NOS2: variants seen among roughly 807,000 people sequenced by gnomAD.
NOS2 encodes nitric oxide synthase 2.
In NOS2, 96 loss-of-function variants were observed where a neutral mutation model predicts 136.0. The observed-to-expected ratio is 0.71, with a 90% CI of 0.60 to 0.84. The LOEUF is 0.84. NOS2 is among the 40% of genes least tolerant of loss of function. The pLI is 0.00. For synonymous variants in NOS2, 539 were observed against 587.5 expected (o/e 0.92, Z 1.20); for missense variants, 1,237 against 1,496.9 (o/e 0.83, Z 2.87).
At chr17:27,769,907 G>A (rs572555629) in intron 15 of NOS2, among the ~76,000 whole-genome samples, 93 of 152,302 alleles carry the variant, frequency 6.1e-4, no homozygotes, top group Middle Eastern at 3.4e-3. Flanking sequence ...CTCCGAATGC[G>A]CCGTGATTCT....
At chr17:27,775,002 G>A (rs1908616806) in intron 11 of NOS2, among the ~76,000 whole-genome samples, 1 of 152,230 alleles carries the variant, frequency 6.6e-6, no homozygotes, top group African/African-American at 2.4e-5. Flanking sequence ...TGACCCCATG[G>A]AATGGTCCAG....
At position 27,759,072 on chromosome 17, in the gene NOS2, A is replaced by C. The variant is rs1296865891; in HGVS notation, c.3163T>G (p.Tyr1055Asp). 3 of 1,590,542 alleles carry C rather than the reference A, an allele frequency of 1.9e-6. No individual in the cohort carries two copies. Among genetic ancestry groups the C allele is most frequent in the Non-Finnish European group, 2.6e-6 (3 of 1,169,204 alleles). The change falls in exon 26 of 27, where the codon TAT becomes GAT. Residue 1055 changes from tyrosine (Y) to aspartate (D), a missense_variant. Physicochemically the swap from Tyr to Asp is radical, Grantham distance 160. Around this residue, in one of 3 missense-constraint regions of NOS2, gnomAD observed 782 missense variants for 909.9 expected, o/e 0.86. Transcript: ENST00000313735. ...TGCTGCCGCAGGATGTCCTGAACAT[A>C]GACCTGAAACCAGAGGAAACAGTGG... ...YSRLPGKPKV[Y>D]VQDILRQQLA...
At chr17:27,787,273 G>T (rs1371195165) in intron 5 of NOS2, among the ~76,000 whole-genome samples, 1 of 152,120 alleles carries the variant, frequency 6.6e-6, no homozygotes, top group Non-Finnish European at 1.5e-5. Context: ...CACAATCAAG[G>T]TCTCTGGATG....
intron 2 of NOS2, chr17:27,793,661 C>A (rs962193388): frequency 5.0e-6 from 2 of 396,670 alleles, no homozygotes; most frequent in Non-Finnish European, 8.9e-6. Context: ...CGGGGCCCGG[C>A]GGCCTCGCAC....
At position 27,765,620 on chromosome 17, in the gene NOS2, C is replaced by T. The variant is rs1908274923; in HGVS notation, c.2343G>A (p.Pro781=). The T allele has an allele frequency of 1.2e-5, 19 of 1,613,092 alleles. No individual in the cohort carries two copies. Among genetic ancestry groups the T allele is most frequent in the East Asian group, 2.2e-5 (1 of 44,886 alleles). ...GCTCCAGGATACCTTGGACCAGGGC[C>T]GGCTGGTTGCCTGGGCAAACCCCAA... The part of the protein sequence containing the change: ...EHLGVCPGNQ[P]ALVQGILERV... The change falls in exon 20 of 27, where the codon CCG becomes CCA. Residue 781 remains proline (P), a synonymous_variant. Transcript: ENST00000313735.
At chr17:27,784,288 GC>G (rs781719031) in intron 5 of NOS2, among the ~76,000 whole-genome samples, 13 of 152,140 alleles carry the variant, frequency 8.5e-5, no homozygotes, top group African/African-American at 3.1e-4. Context: ...GAACAAAATG[GC>G]CTTTCTGTGG....
chr17:27,772,501 CAGA>C (rs1908529099), intron 13 of NOS2, 49 bp from the exon 14 acceptor site: 1 of 1,604,654 alleles, frequency 6.2e-7, no homozygotes, highest in Non-Finnish European at 8.5e-7. Flanking sequence ...GTCAGCCTTC[CAGA>C]AGAAAATGGG....
chr17:27,759,781 C>A (rs1597542087), intron 25 of NOS2, among the ~76,000 whole-genome samples: 1 of 152,176 alleles, frequency 6.6e-6, no homozygotes, highest in Non-Finnish European at 1.5e-5. Context: ...TGCTGGGGAC[C>A]TTCAGCAGGC....
chr17:27,758,734 C>T, intron 26 of NOS2, 147 bp downstream of exon 26: 1 of 557,182 alleles, frequency 1.8e-6, no homozygotes, highest in Non-Finnish European at 3.0e-6. Context: ...GCCCACCCAG[C>T]TCAGATCTCA....
At chr17:27,765,498 G>A in intron 20 of NOS2, 37 bp downstream of exon 20, 1 of 1,541,568 alleles carries the variant, frequency 6.5e-7, no homozygotes, top group South Asian at 1.3e-5. Flanking sequence ...CGGCCAGAGG[G>A]TGCCAGGCAG....
At chr17:27,794,816 A>T (rs1909304142) in intron 2 of NOS2, among the ~76,000 whole-genome samples, 1 of 152,236 alleles carries the variant, frequency 6.6e-6, no homozygotes, top group East Asian at 1.9e-4. Flanking sequence ...TCTTGGTTTC[A>T]TGACACCTGA....
chr17:27,757,800 C>T (rs1907975691), intron 26 of NOS2, among the ~76,000 whole-genome samples: 1 of 152,244 alleles, frequency 6.6e-6, no homozygotes, highest in Non-Finnish European at 1.5e-5. Context: ...TTGATGCCAA[C>T]TGTCTACCGA....
rs139005303 is a variant in NOS2, at chr17:27,759,037, G to A, written c.3198C>T (p.Ser1066=). Residue 1066 remains serine, a synonymous_variant, in exon 26 of 27, where the codon AGC becomes AGT. Transcript: ENST00000313735. The stretch of plus-strand genomic sequence containing the variant: ...CCTTGTGGAGCACACGGAGCACCTC[G>A]CTGGCCAGCTGCTGCCGCAGGATGT... The part of the protein sequence containing the change: ...VQDILRQQLA[S]EVLRVLHKEP... 35 of 1,607,076 alleles carry A rather than the reference G, an allele frequency of 2.2e-5. No homozygotes were observed. The highest frequency in any genetic ancestry group is 4.0e-5 in the African/African-American group (3 of 74,614).
intron 19 of NOS2, 102 bp downstream of exon 19, chr17:27,766,408 T>C: frequency 1.9e-6 from 2 of 1,072,550 alleles, no homozygotes; most frequent in South Asian, 1.3e-5. Flanking sequence ...TGCCAGCATA[T>C]GCTCTTCTCC....
intron 7 of NOS2, 89 bp downstream of exon 7, chr17:27,781,926 T>C: frequency 9.2e-7 from 1 of 1,088,686 alleles, no homozygotes; most frequent in Non-Finnish European, 1.4e-6. Context: ...GAGCTGGAGA[T>C]GCCTCCCCTA....
rs1240413552 is a variant in NOS2, at chr17:27,773,166, CAA to C, written c.1552_1553del (p.Leu518GlyfsTer56). 2 of 1,613,728 alleles carry C rather than the reference CAA, an allele frequency of 1.2e-6. No individual in the cohort carries two copies. The highest frequency in any genetic ancestry group is 1.7e-6 in the Non-Finnish European group (2 of 1,179,616). ...CCACTGCCACTGCCACTCACTTGAC[CAA>C]GACTTTCAATGGAATCTCTCTTCTC... ...PKRREIPLKV[L>X]VKAVLFACML... On this transcript the variant is annotated frameshift_variant, in exon 13 of 27. Coordinates refer to ENST00000313735, the MANE Select transcript of NOS2 (RefSeq NM_000625.4). LOFTEE classifies it high-confidence loss of function.
Position 27,767,769 on chromosome 17 carries a change from A to T in NOS2, c.2103T>A (p.Asn701Lys), listed in dbSNP as rs200202814. Residue 701 changes from asparagine to lysine, a missense_variant, in exon 18 of 27, where the codon AAT becomes AAA. Physicochemically the swap from Asn to Lys is moderately conservative, Grantham distance 94. Coordinates refer to ENST00000313735, the MANE Select transcript of NOS2 (RefSeq NM_000625.4). ...HIQIPKLYTSNVTWDPHHYRL... is the reference protein window; with the variant it reads ...HIQIPKLYTSKVTWDPHHYRL... ...TGTAGTGGTGCGGGTCCCAGGTCAC[A>T]TTGGAGGTGTAGAGCTTGGGGATCT... is the stretch of plus-strand genomic sequence containing the variant. 2 of 1,613,184 alleles carry T rather than the reference A, an allele frequency of 1.2e-6. No individual in the cohort carries two copies. The highest frequency in any genetic ancestry group is 1.7e-6 in the Non-Finnish European group (2 of 1,180,018).
At chr17:27,789,888 C>A (rs1279216049) in intron 2 of NOS2, among the ~76,000 whole-genome samples, 200 bp from the exon 3 acceptor site, 2 of 152,186 alleles carry the variant, frequency 1.3e-5, no homozygotes, top group East Asian at 3.9e-4. Context: ...TCCCGCAGAG[C>A]CAAAAGGGCA....
chr17:27,791,798 A>ATATATATAT (rs1567643098), intron 2 of NOS2, among the ~76,000 whole-genome samples: 3 of 150,682 alleles, frequency 2.0e-5, no homozygotes, highest in Admixed American at 6.6e-5. Context: ...AAAACAAAAC[A>ATATATATAT]AAACAAAAAT....
Sources: allele counts gnomAD v4.1 joint callset (sites outside exome capture counted in the v4.1 genomes callset), GRCh38; gene constraint gnomAD v4.1.1; regional missense constraint gnomAD v4.1.1; transcripts MANE v1.5; gene names NCBI Gene and HGNC (gene_info 2026-07-23, HGNC 2026-07-21).